The following NRXN3 variants were observed in gnomAD, a reference collection of about 807,000 sequenced individuals.
NRXN3 encodes neurexin III.
A neutral mutation model predicts 137.6 loss-of-function variants in NRXN3; 32 were observed. That is an observed-to-expected ratio of 0.23 (90% CI 0.18 to 0.31). The LOEUF is 0.31. NRXN3 is among the 10% of genes least tolerant of loss of function. NRXN3 has a pLI of 1.00. For missense variants in NRXN3, 1,574 were observed against 2,062.5 expected, an observed-to-expected ratio of 0.76 and a Z score of 4.59; for synonymous variants, 798 against 784.5, an observed-to-expected ratio of 1.02 and a Z score of -0.29.
rs756029896 is a variant in NRXN3, at chr14:78,645,259, G to A, written c.897G>A (p.Thr299=). The change falls in exon 5 of 21, where the codon ACG becomes ACA. Residue 299 remains threonine (T), a synonymous_variant. Coordinates refer to ENST00000335750, the MANE Select transcript of NRXN3 (RefSeq NM_001330195.2). The stretch of plus-strand genomic sequence containing the variant: ...AGCGTAACGGCCTCATCCTGCACAC[G>A]GGCAAGTCGGCTGACTATGTCAACC... ...TWQRNGLILH[T]GKSADYVNLA... The A allele has an allele frequency of 5.0e-6, 8 of 1,598,670 alleles. No individual in the cohort carries two copies. The South Asian group carries it at 7.7e-5, about 15-fold the overall frequency.
intron 16 of NRXN3, among the ~76,000 whole-genome samples, chr14:79,496,529 A>C (rs567037200): frequency 1.3e-5 from 2 of 152,220 alleles, no homozygotes; most frequent in Non-Finnish European, 2.9e-5. Context: ...CATTATGAAC[A>C]TCAGTGATCA....
intron 16 of NRXN3, among the ~76,000 whole-genome samples, chr14:79,603,082 A>G (rs967427408): frequency 7.2e-5 from 11 of 152,124 alleles, no homozygotes; most frequent in Non-Finnish European, 1.3e-4. Flanking sequence ...CAGCTCTTCC[A>G]TTTCTTACAG....
Position 78,782,615 on chromosome 14 carries a change from G to C in NRXN3, c.2045-21005G>C, listed in dbSNP as rs532854068. On this transcript the variant is annotated intron_variant, in intron 8 of 20. Transcript: ENST00000335750. ...GACTGGGTCTAAGGACCTTCATAAA[G>C]TCAGGTGCGTTGTCTCTCTCATTTG... 5.9e-5 allele frequency among the ~76,000 whole-genome samples: 9 copies of C among 152,350 alleles called. No individual in the cohort carries two copies. In the South Asian group the frequency reaches 6.2e-4, roughly 11 times the overall value.
intron 16 of NRXN3, among the ~76,000 whole-genome samples, chr14:79,647,544 G>C (rs2098458136): frequency 1.5e-5 from 2 of 136,048 alleles, no homozygotes; most frequent in African/African-American, 4.9e-5. Flanking sequence ...ATACTTAAGA[G>C]TTGAGAAGCA....
At chr14:79,079,428 A>G (rs1409908055) in intron 15 of NRXN3, among the ~76,000 whole-genome samples, 2 of 152,182 alleles carry the variant, frequency 1.3e-5, no homozygotes, top group Non-Finnish European at 2.9e-5. Context: ...AGACAAACCA[A>G]AAGTGTATAT....
intron 2 of NRXN3, among the ~76,000 whole-genome samples, chr14:78,260,715 G>A (rs960742742): frequency 6.6e-6 from 1 of 152,162 alleles, no homozygotes; most frequent in Admixed American, 6.5e-5. Context: ...GCTGCCATGT[G>A]AGATGTGCCT....
chr14:79,677,741 T>C (rs2098648362), intron 17 of NRXN3, among the ~76,000 whole-genome samples: 1 of 152,166 alleles, frequency 6.6e-6, no homozygotes, highest in Non-Finnish European at 1.5e-5. Context: ...TCAGCTAAAC[T>C]GAGTGAGGTG....
intron 15 of NRXN3, among the ~76,000 whole-genome samples, chr14:79,327,295 T>A (rs1303876151): frequency 1.3e-5 from 2 of 152,050 alleles, no homozygotes; most frequent in African/African-American, 4.8e-5. Context: ...TATAAATAGA[T>A]TCTCGTCTTT....
At chr14:79,606,169 C>G (rs1224882780) in intron 16 of NRXN3, among the ~76,000 whole-genome samples, 1 of 152,186 alleles carries the variant, frequency 6.6e-6, no homozygotes, top group Admixed American at 6.5e-5. Flanking sequence ...ATGAAATGTG[C>G]AGCCGGTCCA....
chr14:78,830,773 T>G (rs1264617977), intron 10 of NRXN3, among the ~76,000 whole-genome samples: 1 of 152,084 alleles, frequency 6.6e-6, no homozygotes, highest in East Asian at 1.9e-4. Flanking sequence ...CAGCAAATAT[T>G]GTAAGGGAAT....
intron 19 of NRXN3, among the ~76,000 whole-genome samples, chr14:79,768,644 A>C (rs1487552561): frequency 2.0e-5 from 3 of 152,236 alleles, no homozygotes. Flanking sequence ...ATCAAAGACC[A>C]AAAGTAGATA....
rs1443356117 is a variant in NRXN3 at position 78,243,500 on chromosome 14, C to G, written c.407C>G (p.Pro136Arg). The change falls in exon 2 of 21, where the codon CCC becomes CGC. Residue 136 changes from proline (P) to arginine (R), a missense_variant. Physicochemically the swap from Pro to Arg is moderately radical, Grantham distance 103. Around this residue, in one of 5 missense-constraint regions of NRXN3, gnomAD observed 400 missense variants for 527.3 expected, o/e 0.76. Transcript: ENST00000335750. The surrounding 1 kb of genome is among the most constrained non-coding windows in gnomAD (Gnocchi z 4.2). ...DGEGQSGELQ[P>R]QRPYMDVVSD... ...GAGGGCCAGTCTGGGGAGCTGCAGCCCCAGCGGCCCTACATGGATGTGGTC... is the reference window on the plus strand; with the variant it reads ...GAGGGCCAGTCTGGGGAGCTGCAGCGCCAGCGGCCCTACATGGATGTGGTC... 2 of 1,592,718 alleles carry G rather than the reference C, an allele frequency of 1.3e-6. No homozygotes were observed. The highest frequency in any genetic ancestry group is 1.7e-6 in the Non-Finnish European group (2 of 1,177,290).
At chr14:78,459,594 A>G (rs1260903387) in intron 4 of NRXN3, among the ~76,000 whole-genome samples, 1 of 152,150 alleles carries the variant, frequency 6.6e-6, no homozygotes, top group Non-Finnish European at 1.5e-5. Flanking sequence ...TGTGGGACAT[A>G]CAAAGTGATG....
intron 16 of NRXN3, among the ~76,000 whole-genome samples, chr14:79,635,875 C>T (rs746763450): frequency 3.0e-4 from 45 of 152,022 alleles, no homozygotes; most frequent in Non-Finnish European, 5.6e-4. Context: ...GATAGAAGTG[C>T]AGACCAAAGG....
rs541221425 is a variant in NRXN3 at position 78,813,837 on chromosome 14, G to A, written c.2275+3493G>A. 2.6e-5 allele frequency among the ~76,000 whole-genome samples: 4 copies of A among 152,272 alleles called. No homozygotes were observed. In the South Asian group the frequency reaches 6.2e-4, roughly 24 times the overall value. ...AAGGGTGATCTTGAGGGGAAAAAAA[G>A]CAGTTTTCTTCTAGCCTTCTTCCTT... On this transcript the variant is annotated intron_variant, in intron 10 of 20. Coordinates refer to ENST00000335750, the MANE Select transcript of NRXN3 (RefSeq NM_001330195.2).
chr14:79,225,068 T>C (rs2070581439), intron 15 of NRXN3, among the ~76,000 whole-genome samples: 1 of 151,892 alleles, frequency 6.6e-6, no homozygotes, highest in Non-Finnish European at 1.5e-5. Context: ...CAAAGTGGAG[T>C]GGCCAGAACT....
At chr14:79,529,743 A>G (rs946317549) in intron 16 of NRXN3, among the ~76,000 whole-genome samples, 4 of 152,236 alleles carry the variant, frequency 2.6e-5, no homozygotes, top group Non-Finnish European at 5.9e-5. Flanking sequence ...AAAAGGATGT[A>G]AAGTGGAATG....
At chr14:79,550,002 A>C (rs565829091) in intron 16 of NRXN3, among the ~76,000 whole-genome samples, 26 of 151,432 alleles carry the variant, frequency 1.7e-4, no homozygotes, top group African/African-American at 5.3e-4. Flanking sequence ...CAGAGGTCTC[A>C]CTCTGTCACC....
chr14:79,268,738 C>T (rs1165873121), intron 15 of NRXN3, among the ~76,000 whole-genome samples: 1 of 152,176 alleles, frequency 6.6e-6, no homozygotes, highest in Admixed American at 6.5e-5. Flanking sequence ...GGCTCTGGCA[C>T]CTCCTGGCTG....
Sources: gnomAD v4.1 joint callset for allele counts (sites outside exome capture counted in the v4.1 genomes callset) on GRCh38, gnomAD v4.1.1 for gene constraint, gnomAD v4.1.1 regional missense constraint, Gnocchi (gnomAD v3.1) non-coding constraint, MANE v1.5 for transcripts, NCBI Gene and HGNC (gene_info 2026-07-23, HGNC 2026-07-21) for gene names.